The following ADGRL2 variants were observed in gnomAD, a reference collection of about 807,000 sequenced individuals.
ADGRL2 encodes the protein calcium-independent alpha-latrotoxin receptor 2.
ADGRL2 carries 44 observed loss-of-function variants against 157.4 expected under a neutral mutation model. The observed-to-expected ratio is 0.28, with a 90% CI of 0.22 to 0.36. The LOEUF is 0.36. Among genes scored for constraint, ADGRL2 ranks in the 10% least tolerant of loss-of-function variants. The pLI, the probability that ADGRL2 is intolerant of heterozygous loss-of-function variation, is 1.00. For missense variants in ADGRL2, 1,510 were observed against 1,768.9 expected (o/e 0.85, Z 2.63); for synonymous variants, 585 against 624.7 (o/e 0.94, Z 0.95).
intron 1 of ADGRL2, among the ~76,000 whole-genome samples, chr1:81,382,930 T>A (rs12127429): frequency 0.028 from 4,287 of 152,332 alleles, 99 homozygotes; most frequent in Middle Eastern, 0.099. Flanking sequence ...AGATGCTTCC[T>A]GCAAGATCTC....
intron 2 of ADGRL2, among the ~76,000 whole-genome samples, chr1:81,488,790 A>G (rs1481502020): frequency 6.6e-6 from 1 of 152,168 alleles, no homozygotes; most frequent in Non-Finnish European, 1.5e-5. Context: ...CCCTCAAAGC[A>G]AATAAATCAA....
intron 1 of ADGRL2, among the ~76,000 whole-genome samples, chr1:81,412,968 T>C (rs978068811): frequency 2.6e-5 from 4 of 152,252 alleles, no homozygotes; most frequent in African/African-American, 2.4e-5. Flanking sequence ...TGGCCATTAA[T>C]GATGACTCAG....
intron 1 of ADGRL2, among the ~76,000 whole-genome samples, chr1:81,704,534 C>A (rs1470492080): frequency 1.3e-5 from 2 of 152,144 alleles, no homozygotes; most frequent in African/African-American, 4.8e-5. Context: ...AAAGGAACAA[C>A]ACAAAAATGG....
Position 81,991,225 on chromosome 1 carries a change from A to G in ADGRL2, c.*80A>G, listed in dbSNP as rs113993365. 6 of 1,330,662 alleles carry G rather than the reference A, an allele frequency of 4.5e-6. No individual in the cohort carries two copies. The highest frequency in any genetic ancestry group is 4.4e-5 in the African/African-American group (3 of 68,484). 82.4% of individuals were successfully genotyped at this position (1,330,662 alleles called of 1,614,324 possible). A position where few individuals can be genotyped will look rare whatever the true frequency, so the allele number is the denominator to read the frequency against. On this transcript the variant is annotated 3_prime_UTR_variant, in exon 24 of 24. Transcript: ENST00000686636. The stretch of plus-strand genomic sequence containing the variant: ...CCATTGGCCTGACGCAGCTCCCTCA[A>G]ACTCTGCTTGAAGAGATGACTCTTG...
intron 3 of ADGRL2, among the ~76,000 whole-genome samples, chr1:81,647,728 A>T (rs1359989624): frequency 6.6e-6 from 1 of 152,198 alleles, no homozygotes; most frequent in Non-Finnish European, 1.5e-5. Flanking sequence ...ACAAGACAAC[A>T]TCTATTGGTG....
chr1:81,944,614 T>C (rs1256903158), intron 6 of ADGRL2, among the ~76,000 whole-genome samples: 1 of 152,056 alleles, frequency 6.6e-6, no homozygotes, highest in Non-Finnish European at 1.5e-5. Context: ...TGTTTATAAG[T>C]CTTCTATTTG....
chr1:81,333,413 T>TAA (rs767459763), intron 1 of ADGRL2, among the ~76,000 whole-genome samples: 4,782 of 141,608 alleles, frequency 0.034, 112 homozygotes, highest in Non-Finnish European at 0.046. Flanking sequence ...ATTAATTAAT[T>TAA]TATTTATTTA....
chr1:81,807,669 G>T (rs1378821134), intron 1 of ADGRL2, among the ~76,000 whole-genome samples: 1 of 151,916 alleles, frequency 6.6e-6, no homozygotes, highest in Non-Finnish European at 1.5e-5. Context: ...ACAAGGGTCT[G>T]TCAACCCTAA....
At chr1:81,486,635 A>G (rs557887043) in intron 2 of ADGRL2, among the ~76,000 whole-genome samples, 1 of 152,178 alleles carries the variant, frequency 6.6e-6, no homozygotes, top group Non-Finnish European at 1.5e-5. Flanking sequence ...TTTTACTCCC[A>G]GAGTGAAACT....
chr1:81,505,895 A>C, intron 2 of ADGRL2: 1 of 325,648 alleles, frequency 3.1e-6, no homozygotes, highest in Non-Finnish European at 6.0e-6. Context: ...TTTTCATTAA[A>C]ATCATGTAAA....
intron 2 of ADGRL2, among the ~76,000 whole-genome samples, chr1:81,465,091 TAC>T (rs1354589807): frequency 1.3e-5 from 2 of 152,096 alleles, no homozygotes; most frequent in Non-Finnish European, 2.9e-5. Context: ...ATATTTCAGC[TAC>T]GTTGTTTAGA....
intron 3 of ADGRL2, among the ~76,000 whole-genome samples, chr1:81,639,689 G>C (rs1174740137): frequency 1.3e-5 from 2 of 152,190 alleles, no homozygotes; most frequent in South Asian, 4.2e-4. Flanking sequence ...TAATGATAAA[G>C]GGGTCTATTT....
chr1:81,609,924 ACCAATAAAAAT>A (rs2081506169), intron 3 of ADGRL2, among the ~76,000 whole-genome samples: 1 of 152,338 alleles, frequency 6.6e-6, no homozygotes, highest in Admixed American at 6.5e-5. Flanking sequence ...TGCTAATTTC[ACCAATAAAAAT>A]CCACTTCTGA....
At chr1:81,617,906 A>G (rs2081696916) in intron 3 of ADGRL2, among the ~76,000 whole-genome samples, 1 of 152,202 alleles carries the variant, frequency 6.6e-6, no homozygotes, top group East Asian at 1.9e-4. Context: ...TCTGATGGTG[A>G]CCTAATGCTA....
intron 1 of ADGRL2, among the ~76,000 whole-genome samples, chr1:81,831,462 A>G (rs1268605940): frequency 6.6e-6 from 1 of 151,940 alleles, no homozygotes; most frequent in Non-Finnish European, 1.5e-5. Flanking sequence ...TTCTGTATTC[A>G]TTTTTTTATT....
chr1:81,796,446 T>C (rs927456316), upstream of ADGRL2, among the ~76,000 whole-genome samples: 4 of 152,188 alleles, frequency 2.6e-5, no homozygotes, highest in East Asian at 1.9e-4. Context: ...AAAAGACCTA[T>C]AAGACCCAAC....
chr1:81,822,395 T>C (rs1037570935), intron 1 of ADGRL2, among the ~76,000 whole-genome samples: 8 of 151,646 alleles, frequency 5.3e-5, no homozygotes, highest in African/African-American at 1.9e-4. Context: ...TATTTTGATT[T>C]ATAATTTAAT....
At chr1:81,963,596 A>ATT (rs201942530) in intron 11 of ADGRL2, among the ~76,000 whole-genome samples, 1 of 151,024 alleles carries the variant, frequency 6.6e-6, no homozygotes, top group Non-Finnish European at 1.5e-5. Context: ...TTTTGTAAAG[A>ATT]TTTTTTTTTA....
intron 2 of ADGRL2, among the ~76,000 whole-genome samples, chr1:81,462,666 G>A (rs115561336): frequency 3.8e-4 from 58 of 152,218 alleles, no homozygotes; most frequent in Non-Finnish European, 7.2e-4. Context: ...TTGCTCCTCA[G>A]ATTTTCCAAG....
Sources: gnomAD v4.1 joint callset for allele counts (sites outside exome capture counted in the v4.1 genomes callset) on GRCh38, gnomAD v4.1.1 for gene constraint, MANE v1.5 for transcripts, NCBI Gene and HGNC (gene_info 2026-07-23, HGNC 2026-07-21) for gene names.